The following MAPKAP1 variants were observed in gnomAD, a reference collection of about 807,000 sequenced individuals.
MAPKAP1 encodes target of rapamycin complex 2 subunit MAPKAP1.
MAPKAP1 carries 20 observed loss-of-function variants against 65.7 expected under a neutral mutation model. The observed-to-expected ratio is 0.30, with a 90% CI of 0.21 to 0.44. MAPKAP1 has a LOEUF of 0.44. Ranked by LOEUF, MAPKAP1 falls within the 20% of genes least tolerant of loss-of-function variation. The probability of loss-of-function intolerance (pLI) is 1.00; values close to 1 mark genes in which losing one functional copy is unlikely to be tolerated. For synonymous variants in MAPKAP1, 222 were observed against 244.3 expected, an observed-to-expected ratio of 0.91 and a Z score of 0.85; for missense variants, 423 against 648.0, an observed-to-expected ratio of 0.65 and a Z score of 3.77.
intron 10 of MAPKAP1, among the ~76,000 whole-genome samples, chr9:125,450,810 G>C (rs557783803): frequency 2.0e-5 from 3 of 152,194 alleles, no homozygotes; most frequent in Non-Finnish European, 2.9e-5. Context: ...GTATCTTTCT[G>C]TAGGTCCTAG....
At chr9:125,476,453 G>A (rs1164989400) in intron 9 of MAPKAP1, among the ~76,000 whole-genome samples, 1 of 152,126 alleles carries the variant, frequency 6.6e-6, no homozygotes, top group East Asian at 1.9e-4. Context: ...GTGTTCAACG[G>A]CAAAGTGAAA....
intron 1 of MAPKAP1, among the ~76,000 whole-genome samples, chr9:125,693,710 CATATATACACGT>C (rs1439694611): frequency 1.5e-5 from 2 of 130,012 alleles, no homozygotes; most frequent in African/African-American, 3.4e-5. Context: ...TATATATACA[CATATATACACGT>C]ATATACACAT....
chr9:125,625,255 T>TAAAAAAA (rs58671780), intron 4 of MAPKAP1, among the ~76,000 whole-genome samples: 13 of 64,652 alleles, frequency 2.0e-4, no homozygotes, highest in East Asian at 4.4e-4. Context: ...AATAAATAAA[T>TAAAAAAA]AAAAAAAAAA....
intron 6 of MAPKAP1, among the ~76,000 whole-genome samples, chr9:125,547,325 G>A (rs1830455348): frequency 6.6e-6 from 1 of 152,168 alleles, no homozygotes; most frequent in African/African-American, 2.4e-5. Flanking sequence ...CAGAACTCAA[G>A]TTGGAAGGCA....
intron 4 of MAPKAP1, among the ~76,000 whole-genome samples, chr9:125,611,959 A>T (rs1589340007): frequency 6.6e-6 from 1 of 152,190 alleles, no homozygotes; most frequent in East Asian, 1.9e-4. Flanking sequence ...CCTATTCAAA[A>T]TTATTGGGAC....
At chr9:125,521,891 G>C (rs1589254983) in intron 7 of MAPKAP1, 2 of 794,850 alleles carry the variant, frequency 2.5e-6, no homozygotes, top group East Asian at 5.1e-5. Flanking sequence ...ATTGTTTTCA[G>C]TCAGCAGACT....
chr9:125,543,940 G>T (rs1197237722), intron 6 of MAPKAP1, among the ~76,000 whole-genome samples: 4 of 152,132 alleles, frequency 2.6e-5, no homozygotes, highest in Non-Finnish European at 5.9e-5. Flanking sequence ...TGGGGCCGCA[G>T]GGCAGTAATA....
intron 10 of MAPKAP1, among the ~76,000 whole-genome samples, chr9:125,463,302 C>T (rs1242711453): frequency 2.6e-5 from 4 of 152,226 alleles, no homozygotes; most frequent in African/African-American, 9.6e-5. Context: ...CTATAAAACA[C>T]AAGAGGCCTT....
chr9:125,622,094 TG>T (rs1313978905), intron 4 of MAPKAP1, among the ~76,000 whole-genome samples: 1 of 152,064 alleles, frequency 6.6e-6, no homozygotes, highest in African/African-American at 2.4e-5. Flanking sequence ...CTGGGGCTCA[TG>T]GAAGTGGAGA....
intron 5 of MAPKAP1, among the ~76,000 whole-genome samples, chr9:125,564,448 A>G (rs1007044571): frequency 6.6e-6 from 1 of 152,094 alleles, no homozygotes; most frequent in Non-Finnish European, 1.5e-5. Context: ...TTTATAAAAG[A>G]TTTATTTTTG....
At chr9:125,441,369 T>C (rs536226291) in intron 11 of MAPKAP1, among the ~76,000 whole-genome samples, 5 of 152,322 alleles carry the variant, frequency 3.3e-5, no homozygotes, top group South Asian at 2.1e-4. Flanking sequence ...CACCCTTGTG[T>C]GCTCTGTGAC....
rs1355169599 is a variant in MAPKAP1 at position 125,437,738 on chromosome 9, T to A, written c.*1149A>T. On this transcript the variant is annotated 3_prime_UTR_variant, in exon 12 of 12. Coordinates refer to ENST00000265960, the MANE Select transcript of MAPKAP1 (RefSeq NM_001006617.3). Reference sequence around the variant, plus strand: ...TAAAAAATGTTTCTAATGCAGGTCCTCAGTGAAACACCGGTCCCCGGCCCT... The same window carrying A: ...TAAAAAATGTTTCTAATGCAGGTCCACAGTGAAACACCGGTCCCCGGCCCT... The A allele has an allele frequency of 6.6e-6, 1 of 152,306 alleles. No individual in the cohort carries two copies. The highest frequency in any genetic ancestry group is 2.4e-5 in the African/African-American group (1 of 41,462). 9.4% of individuals were successfully genotyped at this position (152,306 alleles called of 1,614,324 possible).
In MAPKAP1 at chr9:125,595,940, A is replaced by G. The variant is rs1226900511; in HGVS notation, c.499-10213T>C. On this transcript the variant is annotated intron_variant, in intron 4 of 11. Transcript: ENST00000265960. This position sits in a 1 kb window ranked among gnomAD's most constrained non-coding sequence, Gnocchi z 4.0. ...TGGAACCAAAGAGAGCTGTCTCAAG[A>G]GAAGATTCTCAAAGACCAGGTGCCC... 1.5e-5 allele frequency: 21 copies of G among 1,390,702 alleles called. No homozygotes were observed. The highest frequency in any genetic ancestry group is 1.9e-5 in the Non-Finnish European group (19 of 992,116). The allele number at this position is 1,390,702 out of a possible 1,614,324, so 86.1% of individuals were successfully genotyped here.
intron 10 of MAPKAP1, 50 bp from the exon 11 acceptor site, chr9:125,444,648 C>A (rs375852758): frequency 5.4e-6 from 7 of 1,307,232 alleles, no homozygotes; most frequent in South Asian, 1.3e-5. Context: ...TTAACTATGG[C>A]GGGGGCCTCC....
At chr9:125,588,225 T>C (rs1831847723) in intron 4 of MAPKAP1, among the ~76,000 whole-genome samples, 1 of 152,038 alleles carries the variant, frequency 6.6e-6, no homozygotes, top group Non-Finnish European at 1.5e-5. Flanking sequence ...TATTCAGCCA[T>C]GAGAAAGAAT....
intron 4 of MAPKAP1, among the ~76,000 whole-genome samples, chr9:125,637,501 G>T (rs564370343): frequency 1.9e-4 from 29 of 152,280 alleles, no homozygotes; most frequent in African/African-American, 3.8e-4. Context: ...GTGAGGCCAC[G>T]CTGGGACTCA....
intron 7 of MAPKAP1, among the ~76,000 whole-genome samples, chr9:125,537,700 C>G (rs767715806): frequency 1.3e-5 from 2 of 152,172 alleles, no homozygotes; most frequent in Non-Finnish European, 2.9e-5. Context: ...CCAGTGTGGT[C>G]TCAAACTGCT....
intron 10 of MAPKAP1, among the ~76,000 whole-genome samples, chr9:125,450,456 A>C (rs951562086): frequency 3.9e-5 from 6 of 152,140 alleles, no homozygotes; most frequent in Non-Finnish European, 8.8e-5. Context: ...TTTTTAAGTT[A>C]ACATTTTACC....
chr9:125,602,386 A>C (rs1832323718), intron 4 of MAPKAP1, among the ~76,000 whole-genome samples: 1 of 152,244 alleles, frequency 6.6e-6, no homozygotes. Context: ...AAGCAGCCCA[A>C]AAAGTCTGAT....
Sources: gnomAD v4.1 joint callset for allele counts (sites outside exome capture counted in the v4.1 genomes callset) on GRCh38, gnomAD v4.1.1 for gene constraint, Gnocchi (gnomAD v3.1) non-coding constraint, MANE v1.5 for transcripts, NCBI Gene and HGNC (gene_info 2026-07-23, HGNC 2026-07-21) for gene names.